The following PMFBP1 variants were observed in gnomAD, a reference collection of about 807,000 sequenced individuals.
PMFBP1 encodes the protein polyamine modulated factor 1 binding protein 1.
In PMFBP1, 131 loss-of-function variants were observed where a neutral mutation model predicts 137.8. That is an observed-to-expected ratio of 0.95 (90% CI 0.82 to 1.10). The LOEUF is 1.10. Among genes scored for constraint, PMFBP1 ranks in the 50% least tolerant of loss-of-function variants. The pLI is 0.00. For synonymous variants in PMFBP1, 490 were observed against 450.4 expected (o/e 1.09, Z -1.11); for missense variants, 1,199 against 1,175.4 (o/e 1.02, Z -0.29).
chr16:72,123,737 T>C (rs1343184927), intron 17 of PMFBP1, 88 bp from the exon 18 acceptor site: 15 of 1,219,972 alleles, frequency 1.2e-5, no homozygotes, highest in Admixed American at 4.7e-5. Context: ...TCTATCTCCC[T>C]GGGAAAAGAA....
the PMFBP1 span, among the ~76,000 whole-genome samples, chr16:72,209,217 C>T: frequency 6.6e-6 from 1 of 152,198 alleles, no homozygotes; most frequent in Admixed American, 6.5e-5. Flanking sequence ...GCACAGCATG[C>T]CTGTATCTCT....
At chr16:72,183,016 G>A in the PMFBP1 span, among the ~76,000 whole-genome samples, 1 of 152,062 alleles carries the variant, frequency 6.6e-6, no homozygotes, top group African/African-American at 2.4e-5. Flanking sequence ...GTCCCCAGAG[G>A]GTCTTGGGGC....
intron 5 of PMFBP1, among the ~76,000 whole-genome samples, chr16:72,144,317 A>G (rs1246814692): frequency 1.3e-5 from 2 of 152,184 alleles, no homozygotes; most frequent in Non-Finnish European, 2.9e-5. Context: ...AAAAATGGCC[A>G]AGAAAAAATA....
the PMFBP1 span, among the ~76,000 whole-genome samples, chr16:72,207,710 A>ACGTGTGTGTGTGTGTGTGTG: frequency 2.1e-5 from 3 of 143,920 alleles, no homozygotes; most frequent in Non-Finnish European, 3.0e-5. Flanking sequence ...CCAGTAGGGC[A>ACGTGTGTGTGTGTGTGTGTG]TGTGTGTGTG....
chr16:72,188,333 T>G, the PMFBP1 span, among the ~76,000 whole-genome samples: 1 of 152,230 alleles, frequency 6.6e-6, no homozygotes, highest in Non-Finnish European at 1.5e-5. Context: ...TGGTGTATTC[T>G]AATCGTAGAC....
chr16:72,198,186 G>A, the PMFBP1 span, among the ~76,000 whole-genome samples: 5 of 152,156 alleles, frequency 3.3e-5, no homozygotes, highest in Non-Finnish European at 7.4e-5. Context: ...CCATGGCGAC[G>A]TGTTCCAAGA....
chr16:72,202,543 T>C, the PMFBP1 span, among the ~76,000 whole-genome samples: 2 of 152,152 alleles, frequency 1.3e-5, no homozygotes, highest in Non-Finnish European at 2.9e-5. Flanking sequence ...ACCCCGACAC[T>C]GGTTAGACTA....
At chr16:72,125,717 G>A (rs952234916) in intron 15 of PMFBP1, among the ~76,000 whole-genome samples, 2 of 152,134 alleles carry the variant, frequency 1.3e-5, no homozygotes, top group African/African-American at 4.8e-5. Context: ...CCTTGCCCCC[G>A]AGTCACCCAT....
At chr16:72,122,143 G>A (rs1409869778) in intron 19 of PMFBP1, among the ~76,000 whole-genome samples, 1 of 152,188 alleles carries the variant, frequency 6.6e-6, no homozygotes, top group African/African-American at 2.4e-5. Flanking sequence ...GTGAGAACAT[G>A]TGGTACTTGG....
the PMFBP1 span, among the ~76,000 whole-genome samples, chr16:72,231,571 T>A: frequency 6.6e-6 from 1 of 152,186 alleles, no homozygotes; most frequent in East Asian, 1.9e-4. Context: ...AGATTAGTGA[T>A]TCTCAAACTG....
chr16:72,157,150 C>T (rs571644946), intron 3 of PMFBP1, among the ~76,000 whole-genome samples: 5 of 138,138 alleles, frequency 3.6e-5, no homozygotes, highest in South Asian at 4.5e-4. Flanking sequence ...CACCACTGCA[C>T]GCCAGCCTGG....
At chr16:72,247,305 G>A in the PMFBP1 span, among the ~76,000 whole-genome samples, 1 of 152,308 alleles carries the variant, frequency 6.6e-6, no homozygotes, top group African/African-American at 2.4e-5. Context: ...AAAACCAGGA[G>A]AGAAAAGCAG....
Position 72,136,757 on chromosome 16 carries a change from G to A in PMFBP1, c.981C>T (p.Asn327=), listed in dbSNP as rs2042638841. The A allele has an allele frequency of 6.2e-7, 1 of 1,614,076 alleles. No homozygotes were observed. Among genetic ancestry groups the A allele is most frequent in the African/African-American group, 1.3e-5 (1 of 75,008 alleles). The change falls in exon 8 of 21, where the codon AAC becomes AAT. Residue 327 remains asparagine, a synonymous_variant. Coordinates refer to ENST00000237353, the MANE Select transcript of PMFBP1 (RefSeq NM_031293.3). The stretch of plus-strand genomic sequence containing the variant: ...GTTCCACGCGCAGATCCTTCACCAG[G>A]TTCTGGTACTCCTCCACATGCAGGC... ...SQCLHVEEYQ[N]LVKDLRVELE... is the part of the protein sequence containing the mutation.
chr16:72,236,396 C>T, the PMFBP1 span, among the ~76,000 whole-genome samples: 2 of 152,098 alleles, frequency 1.3e-5, no homozygotes, highest in Non-Finnish European at 2.9e-5. Context: ...CAAGGTACTA[C>T]AAGAAAGAGA....
the PMFBP1 span, among the ~76,000 whole-genome samples, chr16:72,215,425 CT>C: frequency 6.7e-6 from 1 of 148,162 alleles, no homozygotes; most frequent in Non-Finnish European, 1.5e-5. Context: ...TGACAGCTAA[CT>C]TTGGTCAGGA....
chr16:72,190,121 C>T, the PMFBP1 span, among the ~76,000 whole-genome samples: 1 of 152,182 alleles, frequency 6.6e-6, no homozygotes, highest in Admixed American at 6.5e-5. Context: ...TACATGACTC[C>T]TAAGCAGTAA....
chr16:72,124,720 GC>G, intron 17 of PMFBP1, 46 bp downstream of exon 17: 1 of 1,593,456 alleles, frequency 6.3e-7, no homozygotes, highest in Non-Finnish European at 8.6e-7. Flanking sequence ...CATAGGATGT[GC>G]CTGGAGGCAC....
chr16:72,127,176 T>G (rs191580115), intron 14 of PMFBP1, among the ~76,000 whole-genome samples: 1 of 152,364 alleles, frequency 6.6e-6, no homozygotes. Context: ...TGGGTTTTCT[T>G]GTTTTATCTC....
At chr16:72,221,612 G>A in the PMFBP1 span, among the ~76,000 whole-genome samples, 1 of 152,198 alleles carries the variant, frequency 6.6e-6, no homozygotes, top group Non-Finnish European at 1.5e-5. Flanking sequence ...GCTGGAGGGA[G>A]AGTATGGGGA....
Sources: allele counts gnomAD v4.1 joint callset (sites outside exome capture counted in the v4.1 genomes callset), GRCh38; gene constraint gnomAD v4.1.1; transcripts MANE v1.5; gene names NCBI Gene and HGNC (gene_info 2026-07-23, HGNC 2026-07-21).